The following GRM5 variants were observed in gnomAD, a reference collection of about 807,000 sequenced individuals.
GRM5 encodes glutamate metabotropic receptor 5.
A neutral mutation model predicts 83.1 loss-of-function variants in GRM5; 19 were observed. The ratio of observed to expected loss-of-function variants is 0.23; its 90% CI spans 0.16 to 0.34. The LOEUF is 0.34. GRM5 is among the 10% of genes least tolerant of loss of function. The pLI is 1.00. For synonymous variants in GRM5, 675 were observed against 633.6 expected, an observed-to-expected ratio of 1.07 and a Z score of -0.98; for missense variants, 1,160 against 1,588.3, an observed-to-expected ratio of 0.73 and a Z score of 4.58.
At chr11:88,728,723 T>G (rs1158588328) in intron 3 of GRM5, among the ~76,000 whole-genome samples, 1 of 152,038 alleles carries the variant, frequency 6.6e-6, no homozygotes, top group South Asian at 2.1e-4. Flanking sequence ...GTTCAACATA[T>G]GCAAATCAAT....
chr11:88,823,781 C>T (rs189706649), intron 3 of GRM5, among the ~76,000 whole-genome samples: 2 of 152,260 alleles, frequency 1.3e-5, no homozygotes, highest in African/African-American at 4.8e-5. Context: ...CTTATTTCCA[C>T]ATTTCAGTAT....
chr11:88,695,985 C>T (rs541377694), intron 3 of GRM5, among the ~76,000 whole-genome samples: 23 of 152,260 alleles, frequency 1.5e-4, no homozygotes, highest in African/African-American at 5.5e-4. Context: ...TCAATTAGAC[C>T]CTCTGCCTTA....
intron 3 of GRM5, among the ~76,000 whole-genome samples, chr11:88,843,794 G>A (rs1204055958): frequency 6.6e-6 from 1 of 152,184 alleles, no homozygotes; most frequent in African/African-American, 2.4e-5. Context: ...TTGCTGATGT[G>A]GAGAAAGTTT....
chr11:88,632,663 A>G (rs1167810432), intron 4 of GRM5, among the ~76,000 whole-genome samples: 1 of 152,216 alleles, frequency 6.6e-6, no homozygotes, highest in African/African-American at 2.4e-5. Flanking sequence ...AGCTATTACA[A>G]ATAACATCAT....
intron 3 of GRM5, among the ~76,000 whole-genome samples, chr11:88,754,641 A>G (rs1245304392): frequency 6.6e-6 from 1 of 152,106 alleles, no homozygotes; most frequent in Non-Finnish European, 1.5e-5. Flanking sequence ...CATTTTCTAT[A>G]AAAAATTTAC....
chr11:88,980,247 T>TA (rs1185936880), intron 2 of GRM5, among the ~76,000 whole-genome samples: 8 of 152,314 alleles, frequency 5.3e-5, no homozygotes, highest in Non-Finnish European at 1.0e-4. Flanking sequence ...TTAAAATGGC[T>TA]AAAAATAAGC....
chr11:88,600,026 A>G (rs189763017), intron 5 of GRM5, among the ~76,000 whole-genome samples: 90 of 152,256 alleles, frequency 5.9e-4, no homozygotes, highest in African/African-American at 2.0e-3. Flanking sequence ...AAAACAAAAC[A>G]AGAAAACAGT....
intron 2 of GRM5, among the ~76,000 whole-genome samples, chr11:88,900,967 G>A (rs1450504268): frequency 6.6e-6 from 1 of 152,158 alleles, no homozygotes; most frequent in Non-Finnish European, 1.5e-5. Flanking sequence ...CATATTTGAA[G>A]TGATCTCTGT....
intron 2 of GRM5, among the ~76,000 whole-genome samples, chr11:88,908,220 C>G (rs958359458): frequency 7.9e-5 from 12 of 152,182 alleles, no homozygotes; most frequent in African/African-American, 2.9e-4. Context: ...GTCCATCTTG[C>G]AAACCTACTC....
chr11:88,979,656 C>T (rs1939461015), intron 2 of GRM5, among the ~76,000 whole-genome samples: 2 of 152,028 alleles, frequency 1.3e-5, no homozygotes, highest in Admixed American at 1.3e-4. Flanking sequence ...TCTTTTGCCT[C>T]ATCTGTTTAA....
At chr11:88,918,796 G>T (rs11499687) in intron 2 of GRM5, among the ~76,000 whole-genome samples, 1 of 151,754 alleles carries the variant, frequency 6.6e-6, no homozygotes, top group African/African-American at 2.4e-5. Context: ...CTTTGTTTTT[G>T]CAATCAGAGT....
intron 2 of GRM5, among the ~76,000 whole-genome samples, chr11:88,923,713 A>G (rs1186585267): frequency 6.6e-6 from 1 of 151,986 alleles, no homozygotes; most frequent in Non-Finnish European, 1.5e-5. Flanking sequence ...GAATGCCCAT[A>G]ACACCAAGAA....
intron 3 of GRM5, among the ~76,000 whole-genome samples, chr11:88,798,910 T>C (rs1180993379): frequency 6.6e-6 from 1 of 150,678 alleles, no homozygotes; most frequent in African/African-American, 2.4e-5. Flanking sequence ...GAGTAAAGCA[T>C]GAAACCTTGG....
At chr11:88,854,053 G>T (rs1944429206) in intron 2 of GRM5, among the ~76,000 whole-genome samples, 1 of 40,086 alleles carries the variant, frequency 2.5e-5, no homozygotes, top group South Asian at 1.3e-3. Context: ...ATTAAAAAAT[G>T]TGGTGTATAT....
intron 2 of GRM5, among the ~76,000 whole-genome samples, chr11:88,897,767 C>G (rs1421187509): frequency 6.6e-6 from 1 of 151,908 alleles, no homozygotes; most frequent in Non-Finnish European, 1.5e-5. Context: ...AGCCTGAACT[C>G]ACAAAATTTT....
intron 3 of GRM5, among the ~76,000 whole-genome samples, chr11:88,695,662 G>T (rs1940886309): frequency 6.6e-6 from 1 of 152,150 alleles, no homozygotes; most frequent in Non-Finnish European, 1.5e-5. Flanking sequence ...CAATGGTCCT[G>T]AAAGGATATT....
intron 2 of GRM5, among the ~76,000 whole-genome samples, chr11:88,979,195 G>A (rs572499231): frequency 1.3e-5 from 2 of 152,298 alleles, no homozygotes; most frequent in Admixed American, 6.5e-5. Context: ...CCTGTGATGA[G>A]TAATTAGTTT....
chr11:88,541,899 G>A (rs1440795906), intron 8 of GRM5, among the ~76,000 whole-genome samples: 1 of 152,178 alleles, frequency 6.6e-6, no homozygotes, highest in African/African-American at 2.4e-5. Flanking sequence ...GTGAGGGGGA[G>A]TTTCCCCCAT....
chr11:88,721,090 C>CA (rs902577663), intron 3 of GRM5, among the ~76,000 whole-genome samples: 8 of 151,856 alleles, frequency 5.3e-5, no homozygotes, highest in African/African-American at 1.9e-4. Flanking sequence ...TCCTTAGGTG[C>CA]AAAAATATGG....
Sources: allele counts gnomAD v4.1 joint callset (sites outside exome capture counted in the v4.1 genomes callset), GRCh38; gene constraint gnomAD v4.1.1; transcripts MANE v1.5; gene names NCBI Gene and HGNC (gene_info 2026-07-23, HGNC 2026-07-21).